IPO13: variants seen among roughly 807,000 people sequenced by gnomAD.
IPO13 encodes the protein importin 13.
IPO13 carries 28 observed loss-of-function variants against 115.5 expected under a neutral mutation model. That is an observed-to-expected ratio of 0.24 (90% CI 0.18 to 0.33). The LOEUF (loss-of-function observed/expected upper bound fraction) is 0.33. Ranked by LOEUF, IPO13 falls within the 10% of genes least tolerant of loss-of-function variation. The probability of loss-of-function intolerance (pLI) is 1.00; values close to 1 mark genes in which losing one functional copy is unlikely to be tolerated. For missense variants in IPO13, 785 were observed against 1,204.6 expected (o/e 0.65, Z 5.16); for synonymous variants, 414 against 478.9 (o/e 0.86, Z 1.77).
Position 43,966,691 on chromosome 1 carries a change from C to G in IPO13, c.2465-33C>G, listed in dbSNP as rs770801870. 7 of 1,614,106 alleles carry G rather than the reference C, an allele frequency of 4.3e-6. No individual in the cohort carries two copies. The highest frequency in any genetic ancestry group is 2.2e-5 in the East Asian group (1 of 44,886). ...GGGCCTGGGGCTCCCCTAGAAGGAT[C>G]GTTAAACTGATCTGCCTCTGCCTTT... On this transcript the variant is annotated intron_variant, in intron 16 of 19. Coordinates refer to ENST00000372343, the MANE Select transcript of IPO13 (RefSeq NM_014652.4). This position sits in a 1 kb window ranked among gnomAD's most constrained non-coding sequence, Gnocchi z 4.1.
chr1:43,950,619 T>C (rs922639592), intron 2 of IPO13, among the ~76,000 whole-genome samples: 1 of 150,262 alleles, frequency 6.7e-6, no homozygotes, highest in South Asian at 2.1e-4. Flanking sequence ...TTCTCAATGC[T>C]CTTAGGTTAA....
chr1:43,967,100 CT>C lies in IPO13; in HGVS notation c.2613+84del, dbSNP rs1187506658. 7 of 1,328,498 alleles carry C rather than the reference CT, an allele frequency of 5.3e-6. No homozygotes were observed. Among genetic ancestry groups the C allele is most frequent in the Non-Finnish European group, 7.6e-6 (7 of 922,092 alleles). The allele number at this position is 1,328,498 out of a possible 1,614,324, so 82.3% of individuals were successfully genotyped here. A position where few individuals can be genotyped will look rare whatever the true frequency, so the allele number is the denominator to read the frequency against. On this transcript the variant is annotated intron_variant, in intron 18 of 19. Transcript: ENST00000372343. The surrounding 1 kb of genome is among the most constrained non-coding windows in gnomAD (Gnocchi z 6.1). ...AGCTGGCCTTCTGGGAGGCTTGAGC[CT>C]TTGGTCCCCTAAGCTCTCAGATTCT...
Position 43,958,666 on chromosome 1 carries a change from G to A in IPO13, c.1884+71G>A. On this transcript the variant is annotated intron_variant, in intron 10 of 19. Coordinates refer to ENST00000372343, the MANE Select transcript of IPO13 (RefSeq NM_014652.4). The surrounding 1 kb of genome is among the most constrained non-coding windows in gnomAD (Gnocchi z 6.3). ...CTGATGAGGGGTGAGGTTGGAGCTGGCCCTCAGAGCTGAGGCTCAGTGATC... is the reference window on the plus strand; with the variant it reads ...CTGATGAGGGGTGAGGTTGGAGCTGACCCTCAGAGCTGAGGCTCAGTGATC... 3 of 1,611,776 alleles carry A rather than the reference G, an allele frequency of 1.9e-6. No homozygotes were observed. The South Asian group carries it at 3.3e-5, about 18-fold the overall frequency.
In IPO13 at chr1:43,956,301, T is replaced by C. The variant is rs529160473; in HGVS notation, c.822-19T>C. The C allele has an allele frequency of 1.2e-6, 2 of 1,613,794 alleles. No homozygotes were observed. Among genetic ancestry groups the C allele is most frequent in the Admixed American group, 3.3e-5 (2 of 60,008 alleles). ...TTGAGCAGAGAGCTCTGATGGATTT[T>C]CTCACCTCATGCCTCTAGGTACGTG... On this transcript the variant is annotated intron_variant, in intron 2 of 19. Coordinates refer to ENST00000372343, the MANE Select transcript of IPO13 (RefSeq NM_014652.4). This position sits in a 1 kb window ranked among gnomAD's most constrained non-coding sequence, Gnocchi z 4.7.
At chr1:43,948,516 G>A (rs762630911) in intron 1 of IPO13, among the ~76,000 whole-genome samples, 1 of 152,226 alleles carries the variant, frequency 6.6e-6, no homozygotes, top group Admixed American at 6.5e-5. Context: ...TCTTCTGCCT[G>A]CTTTGGCGTC....
In IPO13 at chr1:43,949,942, C is replaced by T. The variant is rs371543125; in HGVS notation, c.610C>T (p.Leu204=). The change falls in exon 2 of 20, where the codon CTG becomes TTG. Residue 204 remains leucine, a synonymous_variant. Coordinates refer to ENST00000372343, the MANE Select transcript of IPO13 (RefSeq NM_014652.4). ...GGTGGAATGTGGGGCTGTCTTCCCG[C>T]TGCTGGAGCAGCTGCTACAGCAGCC... ...LAVECGAVFP[L]LEQLLQQPSS... is the part of the protein sequence containing the mutation. 6 of 1,609,852 alleles carry T rather than the reference C, an allele frequency of 3.7e-6. No homozygotes were observed. The highest frequency in any genetic ancestry group is 5.1e-6 in the Non-Finnish European group (6 of 1,179,370).
In IPO13 at chr1:43,966,449, C is replaced by T; in HGVS notation, c.2398-126C>T. 1 of 920,598 alleles carries T rather than the reference C, an allele frequency of 1.1e-6. No homozygotes were observed. Among genetic ancestry groups the T allele is most frequent in the South Asian group, 1.4e-5 (1 of 71,410 alleles). The allele number at this position is 920,598 out of a possible 1,614,324, so 57.0% of individuals were successfully genotyped here. ...GGTGGTCCGGGTCCCCCAGAGATGG[C>T]TGGGTAGCTGGTTTTGGCAGCCTCT... On this transcript the variant is annotated intron_variant, in intron 15 of 19. Transcript: ENST00000372343. The surrounding 1 kb of genome is among the most constrained non-coding windows in gnomAD (Gnocchi z 4.1).
At chr1:43,962,643 G>T (rs947762047) in intron 14 of IPO13, among the ~76,000 whole-genome samples, 7 of 152,160 alleles carry the variant, frequency 4.6e-5, no homozygotes, top group African/African-American at 1.4e-4. Flanking sequence ...CCTCTGACTG[G>T]AATGTCCTAT....
Position 43,961,275 on chromosome 1 carries a change from C to CA in IPO13, c.2344+13_2344+14insA. On this transcript the variant is annotated intron_variant, in intron 14 of 19. Transcript: ENST00000372343. ...CTCTTCCAGCAAGGTAGGTCCTGAC[C>CA]GGGGTCTCTGCTGCTGCTGCCACTG... 1 of 1,602,262 alleles carries CA rather than the reference C, an allele frequency of 6.2e-7. No individual in the cohort carries two copies. The highest frequency in any genetic ancestry group is 8.6e-7 in the Non-Finnish European group (1 of 1,169,270).
chr1:43,955,209 T>C (rs2085236054), intron 2 of IPO13, among the ~76,000 whole-genome samples: 1 of 151,962 alleles, frequency 6.6e-6, no homozygotes, highest in Non-Finnish European at 1.5e-5. Flanking sequence ...TGGTAGAGGG[T>C]GGAGCGGATG....
At chr1:43,947,985 G>A (rs1042800560) in intron 1 of IPO13, among the ~76,000 whole-genome samples, 2 of 152,238 alleles carry the variant, frequency 1.3e-5, no homozygotes, top group Non-Finnish European at 2.9e-5. Flanking sequence ...AACTGCATGA[G>A]CAGTGCAGTA....
In IPO13 at chr1:43,958,696, G is replaced by A. The variant is rs1354063894; in HGVS notation, c.1885-50G>A. ...CAGAGCTGAGGCTCAGTGATCTGGG[G>A]ACCAAACTGGGGCTGGGAGATCTGG... On this transcript the variant is annotated intron_variant, in intron 10 of 19. Transcript: ENST00000372343. The surrounding 1 kb of genome is among the most constrained non-coding windows in gnomAD (Gnocchi z 6.3). 2.5e-6 allele frequency: 4 copies of A among 1,613,108 alleles called. No individual in the cohort carries two copies. Among genetic ancestry groups the A allele is most frequent in the Admixed American group, 1.7e-5 (1 of 59,996 alleles).
rs867202372 is a variant in IPO13 at position 43,966,215 on chromosome 1, C to T, written c.2398-360C>T. ...ACAAACTGGGGGTGCTTAACTCCCT[C>T]TGTGAATCAACATGAAGTCACTGCT... is the stretch of plus-strand genomic sequence containing the variant. On this transcript the variant is annotated intron_variant, in intron 15 of 19. Transcript: ENST00000372343. The surrounding 1 kb of genome is among the most constrained non-coding windows in gnomAD (Gnocchi z 4.1). 19 of 386,504 alleles carry T rather than the reference C, an allele frequency of 4.9e-5. No individual in the cohort carries two copies. The highest frequency in any genetic ancestry group is 4.9e-5 in the Non-Finnish European group (10 of 203,436). The allele number at this position is 386,504 out of a possible 1,614,324, so 23.9% of individuals were successfully genotyped here.
chr1:43,948,551 T>A (rs766667447), intron 1 of IPO13, among the ~76,000 whole-genome samples: 88 of 152,304 alleles, frequency 5.8e-4, no homozygotes, highest in Non-Finnish European at 1.1e-3. Context: ...CAAGGGCCAA[T>A]GGCCATAACT....
intron 14 of IPO13, among the ~76,000 whole-genome samples, chr1:43,961,563 C>G (rs1557634505): frequency 6.6e-6 from 1 of 152,144 alleles, no homozygotes; most frequent in African/African-American, 2.4e-5. Flanking sequence ...GGGCACTAGG[C>G]TGGCTCCTTT....
Position 43,947,620 on chromosome 1 carries a change from A to T in IPO13, c.20A>T (p.Gln7Leu). 7.5e-7 allele frequency: 1 copy of T among 1,325,472 alleles called. No individual in the cohort carries two copies. Among genetic ancestry groups the T allele is most frequent in the Middle Eastern group, 2.0e-4 (1 of 5,082 alleles). 82.1% of individuals were successfully genotyped at this position (1,325,472 alleles called of 1,614,324 possible). A position where few individuals can be genotyped will look rare whatever the true frequency, so the allele number is the denominator to read the frequency against. Residue 7 changes from glutamine (Q) to leucine (L), a missense_variant, in exon 1 of 20, where the codon CAG becomes CTG. This residue lies in a region of IPO13 where 325 missense variants were observed against 449.8 expected (regional missense o/e 0.72). Transcript: ENST00000372343. Reference sequence around the variant, plus strand: ...GCAAAGATGGAGCGGCGGGAGGAGCAGCCGGGGGCTGCAGGGGCTGGAGCA... The same window carrying T: ...GCAAAGATGGAGCGGCGGGAGGAGCTGCCGGGGGCTGCAGGGGCTGGAGCA... MERREEQPGAAGAGAAP... is the reference protein window; with the variant it reads MERREELPGAAGAGAAP...
chr1:43,965,662 C>T (rs2085317641), intron 15 of IPO13, among the ~76,000 whole-genome samples: 1 of 150,118 alleles, frequency 6.7e-6, no homozygotes, highest in Admixed American at 6.7e-5. Context: ...AGGGTGTGTT[C>T]CAGATGGGGA....
rs2085257941 is a variant in IPO13, at chr1:43,957,325, A to G, written c.1392+10A>G. ...GCCCTACTCCTGGCAGGTACCTCCC[A>G]AGCCTGATTCCCTCAGCCTTCCCAG... is the stretch of plus-strand genomic sequence containing the variant. On this transcript the variant is annotated intron_variant, in intron 6 of 19. Transcript: ENST00000372343. 6.2e-7 allele frequency: 1 copy of G among 1,613,538 alleles called. No individual in the cohort carries two copies. The highest frequency in any genetic ancestry group is 1.7e-5 in the Admixed American group (1 of 59,982).
chr1:43,963,947 G>A (rs1571771953), intron 14 of IPO13, among the ~76,000 whole-genome samples: 1 of 152,336 alleles, frequency 6.6e-6, no homozygotes, highest in East Asian at 1.9e-4. Flanking sequence ...CAGTAAGTGT[G>A]GTGGCCGTTT....
Sources: gnomAD v4.1 joint callset for allele counts (sites outside exome capture counted in the v4.1 genomes callset) on GRCh38, gnomAD v4.1.1 for gene constraint, gnomAD v4.1.1 regional missense constraint, Gnocchi (gnomAD v3.1) non-coding constraint, MANE v1.5 for transcripts, NCBI Gene and HGNC (gene_info 2026-07-23, HGNC 2026-07-21) for gene names.